MEGF11: variants seen among roughly 807,000 people sequenced by gnomAD.
The protein encoded by MEGF11 is multiple EGF like domains 11.
In MEGF11, 126 loss-of-function variants were observed where a neutral mutation model predicts 146.6. The ratio of observed to expected loss-of-function variants is 0.86; its 90% CI spans 0.74 to 1.00. The LOEUF (loss-of-function observed/expected upper bound fraction) is 1.00. MEGF11 is among the 50% of genes least tolerant of loss of function. MEGF11 has a pLI of 0.00. For synonymous variants in MEGF11, 532 were observed against 583.4 expected (o/e 0.91, Z 1.27); for missense variants, 1,509 against 1,521.2 (o/e 0.99, Z 0.13).
intron 24 of MEGF11, among the ~76,000 whole-genome samples, chr15:65,903,604 G>A (rs919846036): frequency 2.6e-5 from 4 of 152,176 alleles, no homozygotes; most frequent in Admixed American, 2.0e-4. Flanking sequence ...GCAAGAACTA[G>A]GACTACAACC....
chr15:66,173,136 C>T lies in MEGF11; in HGVS notation c.-8-44725G>A, dbSNP rs78428797. On this transcript the variant is annotated intron_variant, in intron 1 of 25. Transcript: ENST00000395614. Reference sequence around the variant, plus strand: ...CAGTGGCTCTGTAGCCTGGAGCACCCTTTCTTATGGTCTTTGTATTTGTCC... The same window carrying T: ...CAGTGGCTCTGTAGCCTGGAGCACCTTTTCTTATGGTCTTTGTATTTGTCC... 6.7e-3 allele frequency among the ~76,000 whole-genome samples: 1,015 copies of T among 152,224 alleles called. 10 individuals are homozygous for T. The highest frequency in any genetic ancestry group is 0.021 in the African/African-American group (880 of 41,540).
chr15:66,060,476 A>G (rs1208543459), intron 5 of MEGF11, among the ~76,000 whole-genome samples: 1 of 152,166 alleles, frequency 6.6e-6, no homozygotes. Context: ...TCCAGCCTCC[A>G]CGCCTTTGCG....
intron 1 of MEGF11, among the ~76,000 whole-genome samples, chr15:66,179,132 T>G (rs904531676): frequency 1.3e-5 from 2 of 151,916 alleles, no homozygotes; most frequent in African/African-American, 4.8e-5. Flanking sequence ...GTGACTCTGT[T>G]TTGTTTTGGT....
intron 5 of MEGF11, among the ~76,000 whole-genome samples, chr15:66,053,593 C>T (rs147827059): frequency 1.3e-5 from 2 of 152,022 alleles, no homozygotes; most frequent in Admixed American, 1.3e-4. Flanking sequence ...TTGCCACCCT[C>T]AGGGCCCAGA....
intron 5 of MEGF11, among the ~76,000 whole-genome samples, chr15:66,013,852 C>T (rs2082791818): frequency 6.6e-6 from 1 of 152,172 alleles, no homozygotes; most frequent in South Asian, 2.1e-4. Flanking sequence ...TACAGGCTGA[C>T]TTAGGCAAGT....
chr15:66,218,998 C>CAAAAAAAAAAAAAAAAAA (rs2091663447), intron 1 of MEGF11, among the ~76,000 whole-genome samples: 1 of 45,638 alleles, frequency 2.2e-5, no homozygotes, highest in Admixed American at 1.4e-4. Context: ...AAAAAAAAAC[C>CAAAAAAAAAAAAAAAAAA]TTAACCTAAA....
At chr15:66,113,476 G>C (rs890081340) in intron 4 of MEGF11, among the ~76,000 whole-genome samples, 10 of 152,188 alleles carry the variant, frequency 6.6e-5, no homozygotes, top group African/African-American at 2.4e-4. Flanking sequence ...ACGGGGAATT[G>C]GGCAGATAGA....
intron 5 of MEGF11, among the ~76,000 whole-genome samples, chr15:66,078,442 G>A (rs2085687255): frequency 6.6e-6 from 1 of 152,238 alleles, no homozygotes; most frequent in African/African-American, 2.4e-5. Context: ...ACCTTATGGG[G>A]CTGCGTCAGG....
intron 1 of MEGF11, among the ~76,000 whole-genome samples, chr15:66,205,715 C>T (rs1261326027): frequency 6.6e-6 from 1 of 152,244 alleles, no homozygotes; most frequent in Non-Finnish European, 1.5e-5. Context: ...TAGGTGCCCT[C>T]ACTCTTTGGT....
rs147110966 is a variant in MEGF11, at chr15:66,008,967, C to T, written c.395-26479G>A. 2.4e-3 allele frequency among the ~76,000 whole-genome samples: 365 copies of T among 152,350 alleles called. 1 individual carries two copies. The highest frequency in any genetic ancestry group is 8.5e-3 in the African/African-American group (353 of 41,588). On this transcript the variant is annotated intron_variant, in intron 5 of 25. Coordinates refer to ENST00000395614, the MANE Select transcript of MEGF11 (RefSeq NM_001385028.1). The stretch of plus-strand genomic sequence containing the variant: ...CCACAAAATAGCAAAACCTAAATTT[C>T]TGTTCCAGCCTGCCTGCCAGGTGAG...
At chr15:66,239,370 T>C (rs1597170168) in intron 1 of MEGF11, among the ~76,000 whole-genome samples, 1 of 152,320 alleles carries the variant, frequency 6.6e-6, no homozygotes, top group East Asian at 1.9e-4. Context: ...CTCATGTCAT[T>C]ACTGAACACT....
intron 7 of MEGF11, among the ~76,000 whole-genome samples, chr15:65,979,596 G>T (rs2081564069): frequency 1.3e-5 from 2 of 152,200 alleles, no homozygotes; most frequent in Non-Finnish European, 2.9e-5. Context: ...AGCCCAGGAA[G>T]GTCAGCTTCA....
chr15:65,949,358 G>T lies in MEGF11; in HGVS notation c.1287+8189C>A, dbSNP rs117733974. On this transcript the variant is annotated intron_variant, in intron 10 of 25. Transcript: ENST00000395614. ...CCTGGTCAGAACAGCTGAGGTTTCT[G>T]TATGACCTACCAGTGGCACAGAGAA... 7.2e-3 allele frequency among the ~76,000 whole-genome samples: 1,093 copies of T among 152,302 alleles called. 9 individuals are homozygous for T. Among genetic ancestry groups the T allele is most frequent in the Non-Finnish European group, 0.012 (814 of 68,032 alleles).
rs1402539979 is a variant in MEGF11 at position 65,969,077 on chromosome 15, G to T, written c.899+1476C>A. Among the ~76,000 whole-genome samples the T allele has an allele frequency of 3.3e-5, 5 of 152,150 alleles. No individual in the cohort carries two copies. The East Asian group carries it at 9.6e-4, about 29-fold the overall frequency. ...GCTGGAGGGCCCCTTGGCTTTAGGGGTTCCTCTCTGCCCAGGATCATGGAC... is the reference window on the plus strand; with the variant it reads ...GCTGGAGGGCCCCTTGGCTTTAGGGTTTCCTCTCTGCCCAGGATCATGGAC... On this transcript the variant is annotated intron_variant, in intron 8 of 25. Coordinates refer to ENST00000395614, the MANE Select transcript of MEGF11 (RefSeq NM_001385028.1).
intron 5 of MEGF11, among the ~76,000 whole-genome samples, chr15:66,025,959 A>G (rs1351933891): frequency 6.6e-6 from 1 of 152,198 alleles, no homozygotes; most frequent in African/African-American, 2.4e-5. Flanking sequence ...CAGGAGAGAA[A>G]GGCCTGACCA....
chr15:66,066,720 G>A (rs753218192), intron 5 of MEGF11, among the ~76,000 whole-genome samples: 16 of 152,248 alleles, frequency 1.1e-4, no homozygotes, highest in Non-Finnish European at 2.2e-4. Context: ...CCAGAGGGCT[G>A]AGCCTGCCTC....
intron 1 of MEGF11, among the ~76,000 whole-genome samples, chr15:66,205,405 C>T (rs2091275552): frequency 6.6e-6 from 1 of 152,146 alleles, no homozygotes; most frequent in Non-Finnish European, 1.5e-5. Context: ...AATTGCACCA[C>T]TGCAATTCAG....
chr15:66,147,607 G>A (rs753851691), intron 1 of MEGF11, among the ~76,000 whole-genome samples: 4 of 152,214 alleles, frequency 2.6e-5, no homozygotes, highest in South Asian at 2.1e-4. Context: ...ACAGTGCTCC[G>A]GGCAGAGTGG....
At chr15:66,122,501 G>A (rs1282841109) in intron 3 of MEGF11, among the ~76,000 whole-genome samples, 1 of 152,174 alleles carries the variant, frequency 6.6e-6, no homozygotes, top group African/African-American at 2.4e-5. Context: ...TATCCTCAAA[G>A]AGGAACTGGG....
Sources: allele counts gnomAD v4.1 joint callset (sites outside exome capture counted in the v4.1 genomes callset), GRCh38; gene constraint gnomAD v4.1.1; transcripts MANE v1.5; gene names NCBI Gene and HGNC (gene_info 2026-07-23, HGNC 2026-07-21).